The following GALNTL6 variants were observed in gnomAD, a reference collection of about 807,000 sequenced individuals.
The protein encoded by GALNTL6 is polypeptide N-acetylgalactosaminyltransferase-like 6.
Under a neutral mutation model 73.7 loss-of-function variants are expected in GALNTL6, and 46 were observed. The ratio of observed to expected loss-of-function variants is 0.62; its 90% CI spans 0.49 to 0.80. The LOEUF (loss-of-function observed/expected upper bound fraction) is 0.80. GALNTL6 is among the 30% of genes least tolerant of loss of function. GALNTL6 has a pLI of 0.00. For synonymous variants in GALNTL6, 259 were observed against 263.7 expected, an observed-to-expected ratio of 0.98 and a Z score of 0.17; for missense variants, 604 against 755.0, an observed-to-expected ratio of 0.80 and a Z score of 2.34.
intron 10 of GALNTL6, among the ~76,000 whole-genome samples, chr4:172,990,788 T>C (rs1751506322): frequency 6.6e-6 from 1 of 152,216 alleles, no homozygotes; most frequent in South Asian, 2.1e-4. Flanking sequence ...TAATTTAACA[T>C]AACCATTATT....
At chr4:172,563,595 G>A (rs1016599669) in intron 5 of GALNTL6, among the ~76,000 whole-genome samples, 1 of 152,202 alleles carries the variant, frequency 6.6e-6, no homozygotes, top group Non-Finnish European at 1.5e-5. Context: ...TGATACACCA[G>A]AAAGCTAGCA....
chr4:172,168,725 T>A (rs1024781690), intron 2 of GALNTL6, among the ~76,000 whole-genome samples: 1 of 152,112 alleles, frequency 6.6e-6, no homozygotes, highest in African/African-American at 2.4e-5. Flanking sequence ...ATGGTGACGG[T>A]CAAGAAGATG....
chr4:172,585,506 G>C (rs1304765623), intron 5 of GALNTL6, among the ~76,000 whole-genome samples: 2 of 152,124 alleles, frequency 1.3e-5, no homozygotes, highest in Non-Finnish European at 2.9e-5. Context: ...AACATGTGGT[G>C]TTTGGTTTTC....
intron 2 of GALNTL6, among the ~76,000 whole-genome samples, chr4:172,101,835 C>A (rs1271041256): frequency 6.6e-6 from 1 of 151,460 alleles, no homozygotes; most frequent in Non-Finnish European, 1.5e-5. Flanking sequence ...TATTTTTATA[C>A]CTTTTGAAAA....
intron 5 of GALNTL6, among the ~76,000 whole-genome samples, chr4:172,442,551 G>C (rs115550395): frequency 3.3e-5 from 5 of 151,974 alleles, no homozygotes; most frequent in African/African-American, 4.8e-5. Flanking sequence ...TATAAAAAAA[G>C]GATTTCTTAG....
At chr4:172,106,573 G>A (rs1454283951) in intron 2 of GALNTL6, among the ~76,000 whole-genome samples, 1 of 152,088 alleles carries the variant, frequency 6.6e-6, no homozygotes, top group Non-Finnish European at 1.5e-5. Flanking sequence ...GAGAACTAAT[G>A]AAATCAATTG....
At chr4:172,433,387 T>G (rs546783621) in intron 5 of GALNTL6, among the ~76,000 whole-genome samples, 11 of 152,186 alleles carry the variant, frequency 7.2e-5, no homozygotes, top group Admixed American at 1.3e-4. Context: ...CCTCATACAC[T>G]TATCATGCTG....
intron 2 of GALNTL6, among the ~76,000 whole-genome samples, chr4:171,889,034 A>AAAAAG (rs901769940): frequency 6.6e-6 from 1 of 152,092 alleles, no homozygotes; most frequent in Non-Finnish European, 1.5e-5. Flanking sequence ...TCCTTAAAGA[A>AAAAAG]AAAAGAAAAG....
intron 5 of GALNTL6, among the ~76,000 whole-genome samples, chr4:172,698,236 C>T (rs1733807132): frequency 6.6e-6 from 1 of 152,040 alleles, no homozygotes; most frequent in East Asian, 1.9e-4. Flanking sequence ...GATCTCGTGT[C>T]TTTCTGAGCC....
chr4:172,355,382 T>C (rs1292409847), intron 5 of GALNTL6, among the ~76,000 whole-genome samples: 1 of 152,090 alleles, frequency 6.6e-6, no homozygotes, highest in Non-Finnish European at 1.5e-5. Context: ...TACGATGAAA[T>C]ACATGCAGGC....
intron 2 of GALNTL6, among the ~76,000 whole-genome samples, chr4:172,119,516 G>C (rs1733087281): frequency 6.6e-6 from 1 of 152,018 alleles, no homozygotes; most frequent in Non-Finnish European, 1.5e-5. Context: ...TATTTTCTTG[G>C]CCACGTTATA....
At chr4:172,282,026 T>C (rs1407258903) in intron 3 of GALNTL6, among the ~76,000 whole-genome samples, 1 of 152,146 alleles carries the variant, frequency 6.6e-6, no homozygotes, top group African/African-American at 2.4e-5. Flanking sequence ...ACACAAAAAG[T>C]ACTGGCTACA....
At chr4:172,619,344 C>T (rs538316818) in intron 5 of GALNTL6, among the ~76,000 whole-genome samples, 3 of 152,096 alleles carry the variant, frequency 2.0e-5, no homozygotes, top group Non-Finnish European at 4.4e-5. Flanking sequence ...ACTAGAAAAC[C>T]TTTACTCTTC....
intron 5 of GALNTL6, among the ~76,000 whole-genome samples, chr4:172,544,612 A>C (rs962805767): frequency 2.0e-5 from 3 of 152,284 alleles, no homozygotes; most frequent in Admixed American, 6.5e-5. Context: ...TAAGGAGAAG[A>C]GGGCTTAAGG....
At chr4:172,311,512 C>T in intron 3 of GALNTL6, 102 bp from the exon 4 acceptor site, 2 of 886,932 alleles carry the variant, frequency 2.3e-6, no homozygotes, top group Non-Finnish European at 3.3e-6. Context: ...TTCTGCAGAG[C>T]ACAGCAATAG....
At chr4:171,935,643 A>G (rs1486559596) in intron 2 of GALNTL6, among the ~76,000 whole-genome samples, 1 of 152,006 alleles carries the variant, frequency 6.6e-6, no homozygotes, top group Non-Finnish European at 1.5e-5. Context: ...CTAATTTTTT[A>G]AATTATTTGT....
At chr4:171,898,333 G>T (rs1228788315) in intron 2 of GALNTL6, among the ~76,000 whole-genome samples, 7 of 152,024 alleles carry the variant, frequency 4.6e-5, no homozygotes, top group Admixed American at 3.9e-4. Context: ...CTTAGCATGC[G>T]ATTCAACAAT....
intron 2 of GALNTL6, among the ~76,000 whole-genome samples, chr4:172,154,312 A>C (rs1274206303): frequency 2.6e-5 from 4 of 152,106 alleles, no homozygotes; most frequent in Non-Finnish European, 5.9e-5. Context: ...CGCTCACCAC[A>C]ACCTCTGCCT....
At chr4:172,863,758 G>A (rs554089888) in intron 7 of GALNTL6, among the ~76,000 whole-genome samples, 15 of 152,278 alleles carry the variant, frequency 9.9e-5, no homozygotes, top group Middle Eastern at 3.4e-3. Flanking sequence ...GATATTGGGG[G>A]AACTGTTGAA....
Sources: allele counts gnomAD v4.1 joint callset (sites outside exome capture counted in the v4.1 genomes callset), GRCh38; gene constraint gnomAD v4.1.1; transcripts MANE v1.5; gene names NCBI Gene and HGNC (gene_info 2026-07-23, HGNC 2026-07-21).